GCNT1: variants seen among roughly 807,000 people sequenced by gnomAD.
GCNT1 encodes the protein glucosaminyl (N-acetyl) transferase 1, also known as beta-1,3-galactosyl-O-glycosyl-glycoprotein beta-1,6-N-acetylglucosaminyltransferase.
GCNT1 carries 16 observed loss-of-function variants against 26.2 expected under a neutral mutation model. The ratio of observed to expected loss-of-function variants is 0.61; its 90% CI spans 0.41 to 0.93. The LOEUF is 0.93. Among genes scored for constraint, GCNT1 ranks in the 40% least tolerant of loss-of-function variants. The pLI, the probability that GCNT1 is intolerant of heterozygous loss-of-function variation, is 0.00. For synonymous variants in GCNT1, 183 were observed against 190.8 expected, an observed-to-expected ratio of 0.96 and a Z score of 0.34; for missense variants, 477 against 526.7, an observed-to-expected ratio of 0.91 and a Z score of 0.92.
chr9:76,401,379 C>A, the GCNT1 span, among the ~76,000 whole-genome samples: 2 of 152,094 alleles, frequency 1.3e-5, no homozygotes, highest in African/African-American at 2.4e-5. Context: ...CATCTGCCTG[C>A]CTTGGCCTCC....
chr9:76,452,693 C>A (rs576781954), intron 1 of GCNT1, among the ~76,000 whole-genome samples: 3 of 152,226 alleles, frequency 2.0e-5, no homozygotes, highest in Non-Finnish European at 4.4e-5. Context: ...TGGTGCTAAA[C>A]CATTAGAAAC....
chr9:76,422,492 A>G (rs538246884), intron 1 of GCNT1, among the ~76,000 whole-genome samples: 9 of 152,218 alleles, frequency 5.9e-5, no homozygotes, highest in African/African-American at 1.4e-4. Context: ...TGCATTCAGT[A>G]GAAACCATAC....
At chr9:76,422,154 C>T (rs1016563665) in intron 1 of GCNT1, among the ~76,000 whole-genome samples, 26 of 152,040 alleles carry the variant, frequency 1.7e-4, no homozygotes, top group African/African-American at 6.3e-4. Flanking sequence ...AGAAACCACC[C>T]CCATGATTCA....
the GCNT1 span, among the ~76,000 whole-genome samples, chr9:76,402,192 G>T: frequency 6.6e-6 from 1 of 152,142 alleles, no homozygotes; most frequent in Non-Finnish European, 1.5e-5. Context: ...GAGCTTTCCT[G>T]TATCTGCTTC....
chr9:76,394,320 G>C, the GCNT1 span: 1,115 of 672,004 alleles, frequency 1.7e-3, 8 homozygotes, highest in South Asian at 3.8e-3. Context: ...GGACGACGCC[G>C]ACCACAGGCC....
chr9:76,467,190 C>T (rs978515997), intron 2 of GCNT1, among the ~76,000 whole-genome samples: 1 of 152,148 alleles, frequency 6.6e-6, no homozygotes, highest in Non-Finnish European at 1.5e-5. Context: ...CTACAGGCAC[C>T]CGCCACCGCG....
At position 76,432,541 on chromosome 9, in the gene GCNT1, T is replaced by C. The variant is rs1823350478; in HGVS notation, n.38+12654T>C. ...TTTTTATAGAGACAGGGTTTCGCCA[T>C]GTTGCCCAGGCTGGTTGAGAACTCC... On this transcript the variant is annotated intron_variant and non_coding_transcript_variant, in intron 1 of 3. Transcript: ENST00000488136. Among the ~76,000 whole-genome samples, 3 of 152,256 alleles carry C rather than the reference T, an allele frequency of 2.0e-5. No individual in the cohort carries two copies. In the South Asian group the frequency reaches 6.2e-4, roughly 32 times the overall value.
chr9:76,421,600 C>CAAAAA (rs1231879648), intron 1 of GCNT1, among the ~76,000 whole-genome samples: 11 of 57,094 alleles, frequency 1.9e-4, no homozygotes, highest in Non-Finnish European at 2.9e-4. Context: ...GGCCCTGTCT[C>CAAAAA]AAAAAAAAAA....
intron 2 of GCNT1, among the ~76,000 whole-genome samples, chr9:76,472,752 T>TTC (rs1275812146): frequency 2.2e-5 from 2 of 89,214 alleles, no homozygotes; most frequent in African/African-American, 8.3e-5. Context: ...TTCTTTTCTT[T>TTC]TTTTTTTTTT....
At chr9:76,447,794 C>A (rs193104902) in intron 1 of GCNT1, among the ~76,000 whole-genome samples, 103 of 152,354 alleles carry the variant, frequency 6.8e-4, no homozygotes, top group Admixed American at 2.5e-3. Flanking sequence ...TAAAAAAACT[C>A]TGTGAGCCCC....
upstream of GCNT1, among the ~76,000 whole-genome samples, chr9:76,457,701 C>T (rs1458864137): frequency 6.6e-6 from 1 of 152,158 alleles, no homozygotes; most frequent in Non-Finnish European, 1.5e-5. Context: ...TTTAAGTAGA[C>T]AAATTTTATA....
chr9:76,443,898 AAAGGAAGAAAGGAAGAAAGG>A (rs1564225786), intron 1 of GCNT1, among the ~76,000 whole-genome samples: 11 of 51,150 alleles, frequency 2.2e-4, no homozygotes, highest in African/African-American at 9.4e-4. Flanking sequence ...AGAAAGAAAG[AAAGGAAGAAAGGAAGAAAGG>A]AAGAAAGGAA....
chr9:76,434,360 T>C (rs1372346670), intron 1 of GCNT1, among the ~76,000 whole-genome samples: 3 of 152,152 alleles, frequency 2.0e-5, no homozygotes, highest in African/African-American at 7.2e-5. Flanking sequence ...GGACCCCGAA[T>C]GGAGTGACTG....
chr9:76,487,797 C>T lies in GCNT1; in HGVS notation c.-289-13119C>T, dbSNP rs939714996. On this transcript the variant is annotated intron_variant, in intron 2 of 3. Coordinates refer to ENST00000376730, the MANE Select transcript of GCNT1 (RefSeq NM_001490.5). ...TTGCCTAGGCTGGAGTGCAGTGGTG[C>T]GATCATGGCTTACTGCAGCCTTGAC... Among the ~76,000 whole-genome samples, 8 of 152,128 alleles carry T rather than the reference C, an allele frequency of 5.3e-5. No homozygotes were observed. In the South Asian group the frequency reaches 6.2e-4, roughly 12 times the overall value.
chr9:76,402,125 G>A, the GCNT1 span, among the ~76,000 whole-genome samples: 1 of 152,206 alleles, frequency 6.6e-6, no homozygotes, highest in Non-Finnish European at 1.5e-5. Context: ...GGGAAGAAGG[G>A]CACCTTTGTC....
At chr9:76,440,270 C>G (rs1823467262), upstream of GCNT1, among the ~76,000 whole-genome samples, 1 of 152,122 alleles carries the variant, frequency 6.6e-6, no homozygotes, top group Admixed American at 6.6e-5. Flanking sequence ...ACATGACTTT[C>G]AAAAGTCTTA....
intron 2 of GCNT1, among the ~76,000 whole-genome samples, chr9:76,490,060 A>T (rs1824689782): frequency 6.6e-6 from 1 of 152,190 alleles, no homozygotes; most frequent in Admixed American, 6.5e-5. Context: ...CTGTCATGGG[A>T]CCTAGAAAGG....
chr9:76,444,350 C>A (rs1279342258), intron 1 of GCNT1, among the ~76,000 whole-genome samples: 1 of 151,982 alleles, frequency 6.6e-6, no homozygotes, highest in Non-Finnish European at 1.5e-5. Context: ...TACAGAAGGG[C>A]TGTAGAGAAA....
upstream of GCNT1, among the ~76,000 whole-genome samples, chr9:76,456,457 C>T (rs1184540695): frequency 6.6e-6 from 1 of 152,208 alleles, no homozygotes; most frequent in Non-Finnish European, 1.5e-5. Flanking sequence ...AACACTTCCC[C>T]TCTCCCCAGC....
Sources: allele counts gnomAD v4.1 joint callset (sites outside exome capture counted in the v4.1 genomes callset), GRCh38; gene constraint gnomAD v4.1.1; transcripts MANE v1.5; gene names NCBI Gene and HGNC (gene_info 2026-07-23, HGNC 2026-07-21).